DGKD: variants seen among roughly 807,000 people sequenced by gnomAD.
The protein encoded by DGKD is DAG kinase delta.
In DGKD, 68 loss-of-function variants were observed where a neutral mutation model predicts 154.4. The ratio of observed to expected loss-of-function variants is 0.44; its 90% CI spans 0.36 to 0.54. The LOEUF is 0.54. Ranked by LOEUF, DGKD falls within the 20% of genes least tolerant of loss-of-function variation. The pLI, the probability that DGKD is intolerant of heterozygous loss-of-function variation, is 0.00. For synonymous variants in DGKD, 693 were observed against 638.0 expected (o/e 1.09, Z -1.30); for missense variants, 1,343 against 1,593.6 (o/e 0.84, Z 2.68).
intron 6 of DGKD, 70 bp downstream of exon 6, chr2:233,435,994 T>TCCTCCCTGC (rs1314923202): frequency 4.2e-6 from 6 of 1,428,120 alleles, no homozygotes; most frequent in Non-Finnish European, 4.8e-6. Flanking sequence ...CATGCAAGCC[T>TCCTCCCTGC]CCTCCCTGCC....
intron 17 of DGKD, among the ~76,000 whole-genome samples, chr2:233,451,736 G>T (rs943398034): frequency 2.6e-5 from 4 of 151,984 alleles, no homozygotes; most frequent in African/African-American, 7.2e-5. Context: ...CCATTTTTTT[G>T]TGTGTTTTGT....
At chr2:233,398,229 G>T (rs552930323) in intron 3 of DGKD, among the ~76,000 whole-genome samples, 1 of 150,182 alleles carries the variant, frequency 6.7e-6, no homozygotes, top group African/African-American at 2.5e-5. Flanking sequence ...TGCAAGCTCC[G>T]CCTCCCGGGT....
At chr2:233,427,402 G>A (rs572490458) in intron 3 of DGKD, among the ~76,000 whole-genome samples, 2 of 145,904 alleles carry the variant, frequency 1.4e-5, no homozygotes, top group Non-Finnish European at 3.0e-5. Flanking sequence ...GTGCAGTGGT[G>A]CAATCTTGGC....
chr2:233,451,193 G>C, intron 17 of DGKD, 143 bp downstream of exon 17: 2 of 792,290 alleles, frequency 2.5e-6, no homozygotes, highest in Non-Finnish European at 1.8e-6. Flanking sequence ...TTACACGACT[G>C]TATGAAAAGT....
chr2:233,454,986 C>G (rs528816377), intron 19 of DGKD, 113 bp downstream of exon 19: 1 of 650,394 alleles, frequency 1.5e-6, no homozygotes, highest in Non-Finnish European at 2.6e-6. Context: ...AATGCTAAGG[C>G]GGGGGGCAGA....
At position 233,434,878 on chromosome 2, in the gene DGKD, C is replaced by T. The variant is rs140466615; in HGVS notation, c.563C>T (p.Thr188Met). 5.6e-6 allele frequency: 9 copies of T among 1,613,806 alleles called. No homozygotes were observed. Among genetic ancestry groups the T allele is most frequent in the Admixed American group, 1.7e-5 (1 of 59,976 alleles). ...TGCCGTGAGGCTCTGTCTGGGGTCA[C>T]GTCGCACGGGCTGTCCTGCGAGGGT... The part of the protein sequence containing the change: ...NVCREALSGV[T>M]SHGLSCEVCK... Residue 188 changes from threonine (T) to methionine (M), a missense_variant, in exon 5 of 30, where the codon ACG becomes ATG. By Grantham distance (81) the Thr-to-Met change is moderately conservative (BLOSUM62 -1). Coordinates refer to ENST00000264057, the MANE Select transcript of DGKD (RefSeq NM_152879.3).
chr2:233,361,987 G>A (rs372564378), intron 1 of DGKD, among the ~76,000 whole-genome samples: 6 of 152,054 alleles, frequency 3.9e-5, no homozygotes, highest in Admixed American at 2.6e-4. Context: ...TAATAGAGAC[G>A]GAGTCTTACC....
At position 233,376,059 on chromosome 2, in the gene DGKD, G is replaced by A. The variant is rs74539907; in HGVS notation, c.157-12198G>A. ...AGATGGATTTTGTTCTGTAGGTTTC[G>A]CAGAAGCTGAATCTTTCCTACCTTA... is the stretch of plus-strand genomic sequence containing the variant. On this transcript the variant is annotated intron_variant, in intron 1 of 29. Transcript: ENST00000264057. Among the ~76,000 whole-genome samples the A allele has an allele frequency of 5.8e-3, 877 of 152,184 alleles. 8 individuals are homozygous for A. Among genetic ancestry groups the A allele is most frequent in the African/African-American group, 0.019 (806 of 41,510 alleles).
intron 1 of DGKD, chr2:233,386,243 A>T (rs1180097786): frequency 1.5e-5 from 5 of 324,240 alleles, no homozygotes; most frequent in Non-Finnish European, 1.2e-5. Flanking sequence ...GGGCCAGGAG[A>T]GACGTCTTCA....
At chr2:233,425,132 A>T (rs2062249609) in intron 3 of DGKD, among the ~76,000 whole-genome samples, 1 of 152,132 alleles carries the variant, frequency 6.6e-6, no homozygotes, top group Non-Finnish European at 1.5e-5. Context: ...TTTCAAATAG[A>T]ATTTTAAAGC....
chr2:233,453,637 A>G (rs1403174538), intron 18 of DGKD, among the ~76,000 whole-genome samples: 1 of 152,226 alleles, frequency 6.6e-6, no homozygotes, highest in Non-Finnish European at 1.5e-5. Flanking sequence ...TTCTTTGGGA[A>G]CTTCCAGAAC....
At chr2:233,372,750 G>A (rs530403638) in intron 1 of DGKD, among the ~76,000 whole-genome samples, 22 of 152,102 alleles carry the variant, frequency 1.4e-4, no homozygotes, top group Non-Finnish European at 1.2e-4. Context: ...GTTAACTGCA[G>A]CTTCTTTGTC....
intron 3 of DGKD, among the ~76,000 whole-genome samples, chr2:233,420,424 T>C (rs1212085933): frequency 3.9e-5 from 6 of 152,200 alleles, no homozygotes; most frequent in Admixed American, 6.5e-5. Context: ...ATAATAGATA[T>C]AACAGAGGCA....
rs958060364 is a variant in DGKD, at chr2:233,449,834, G to A, written c.1889-148G>A. On this transcript the variant is annotated intron_variant, in intron 15 of 29. Coordinates refer to ENST00000264057, the MANE Select transcript of DGKD (RefSeq NM_152879.3). The surrounding 1 kb of genome is among the most constrained non-coding windows in gnomAD (Gnocchi z 5.3). ...CCAGGACCAGGGGGAAGATGGGTGG[G>A]GGTGGGGTTTCGGAGTCCAAGCCTT... 5 of 921,090 alleles carry A rather than the reference G, an allele frequency of 5.4e-6. No individual in the cohort carries two copies. Among genetic ancestry groups the A allele is most frequent in the Non-Finnish European group, 4.7e-6 (3 of 644,838 alleles). The allele number at this position is 921,090 out of a possible 1,614,324, so 57.1% of individuals were successfully genotyped here.
At chr2:233,437,717 G>T (rs2062746897) in intron 8 of DGKD, among the ~76,000 whole-genome samples, 1 of 152,218 alleles carries the variant, frequency 6.6e-6, no homozygotes, top group Non-Finnish European at 1.5e-5. Context: ...AGGTGATGCT[G>T]TTGAGTGGCA....
chr2:233,436,838 T>C (rs1206737242), intron 7 of DGKD, among the ~76,000 whole-genome samples: 1 of 152,216 alleles, frequency 6.6e-6, no homozygotes, highest in Non-Finnish European at 1.5e-5. Flanking sequence ...CACAGCCATG[T>C]GGAAGGGGTG....
At chr2:233,374,033 A>G (rs1331226280) in intron 1 of DGKD, among the ~76,000 whole-genome samples, 1 of 151,242 alleles carries the variant, frequency 6.6e-6, no homozygotes, top group African/African-American at 2.4e-5. Context: ...TTTTTTTTAC[A>G]CAGGGTTTTT....
In DGKD at chr2:233,459,918, G is replaced by A; in HGVS notation, c.2829+27G>A. 6.2e-7 allele frequency: 1 copy of A among 1,610,166 alleles called. No individual in the cohort carries two copies. Among genetic ancestry groups the A allele is most frequent in the Non-Finnish European group, 8.5e-7 (1 of 1,177,842 alleles). ...TAAGAGCGGCTGCCCGCGGTACCTG[G>A]GTGGGGTACAGGGCTCACCTGTGGG... On this transcript the variant is annotated intron_variant, in intron 23 of 29. Coordinates refer to ENST00000264057, the MANE Select transcript of DGKD (RefSeq NM_152879.3). This position sits in a 1 kb window ranked among gnomAD's most constrained non-coding sequence, Gnocchi z 5.7.
chr2:233,407,386 A>G (rs7587876), intron 3 of DGKD, among the ~76,000 whole-genome samples: 18,657 of 152,298 alleles, frequency 0.12, 1,393 homozygotes, highest in African/African-American at 0.2. Context: ...GTTAAGGGAA[A>G]ACCAAGTATA....
Sources: gnomAD v4.1 joint callset for allele counts (sites outside exome capture counted in the v4.1 genomes callset) on GRCh38, gnomAD v4.1.1 for gene constraint, Gnocchi (gnomAD v3.1) non-coding constraint, MANE v1.5 for transcripts, NCBI Gene and HGNC (gene_info 2026-07-23, HGNC 2026-07-21) for gene names.